ARRDC3: variants seen among roughly 807,000 people sequenced by gnomAD.
ARRDC3 encodes arrestin domain containing 3.
Under a neutral mutation model 47.2 loss-of-function variants are expected in ARRDC3, and 10 were observed. The observed-to-expected ratio is 0.21, with a 90% CI of 0.13 to 0.36. The LOEUF (loss-of-function observed/expected upper bound fraction) is 0.36, where lower values mean the gene tolerates loss of function less well. Ranked by LOEUF, ARRDC3 falls within the 10% of genes least tolerant of loss-of-function variation. The probability of loss-of-function intolerance (pLI) is 1.00; values close to 1 mark genes in which losing one functional copy is unlikely to be tolerated. For missense variants in ARRDC3, 381 were observed against 503.6 expected, an observed-to-expected ratio of 0.76 and a Z score of 2.33; for synonymous variants, 156 against 178.3, an observed-to-expected ratio of 0.87 and a Z score of 1.00.
At position 91,374,244 on chromosome 5, in the gene ARRDC3, T is replaced by C. The variant is rs751440152; in HGVS notation, c.903A>G (p.Leu301=). Residue 301 remains leucine, a synonymous_variant, in exon 6 of 8, where the codon TTA becomes TTG. Coordinates refer to ENST00000265138, the MANE Select transcript of ARRDC3 (RefSeq NM_020801.4). ...VYVDIPGAMD[L]FLNLPLVIGT... is the part of the protein sequence containing the mutation. ...CGATGACAAGTGGCAAATTAAGAAA[T>C]AAATCCATAGCTCCAGGAATATCCA... 6.2e-7 allele frequency: 1 copy of C among 1,613,676 alleles called. No homozygotes were observed. Among genetic ancestry groups the C allele is most frequent in the Non-Finnish European group, 8.5e-7 (1 of 1,179,726 alleles).
intron 1 of ARRDC3, among the ~76,000 whole-genome samples, chr5:91,382,497 A>G (rs1000920111): frequency 1.3e-5 from 2 of 152,276 alleles, no homozygotes; most frequent in Admixed American, 6.5e-5. Flanking sequence ...TTGAAAATAT[A>G]TTAGTAAAAC....
intron 3 of ARRDC3, among the ~76,000 whole-genome samples, chr5:91,376,327 A>G (rs540682884): frequency 1.3e-5 from 2 of 152,258 alleles, no homozygotes; most frequent in East Asian, 3.9e-4. Context: ...CAAATCATCC[A>G]AGGACCAGAT....
rs1799123459 is a variant in ARRDC3 at position 91,369,657 on chromosome 5, T to C, written c.*1743A>G. ...TCAGCCACTTTATTAACTGTGGGGT[T>C]AAATGGCAGGATAGATGTAACACCC... On this transcript the variant is annotated 3_prime_UTR_variant, in exon 8 of 8. Coordinates refer to ENST00000265138, the MANE Select transcript of ARRDC3 (RefSeq NM_020801.4). 6.6e-6 allele frequency: 1 copy of C among 152,380 alleles called. No individual in the cohort carries two copies. Among genetic ancestry groups the C allele is most frequent in the Non-Finnish European group, 1.5e-5 (1 of 68,034 alleles). 9.4% of individuals were successfully genotyped at this position (152,380 alleles called of 1,614,324 possible).
chr5:91,376,935 T>G (rs1001733144), intron 2 of ARRDC3, among the ~76,000 whole-genome samples, 167 bp from the exon 3 acceptor site: 8 of 152,208 alleles, frequency 5.3e-5, no homozygotes, highest in African/African-American at 1.9e-4. Flanking sequence ...GGAAAAAACT[T>G]CCTATTTCCA....
chr5:91,380,291 C>G (rs1487866999), intron 1 of ARRDC3: 1 of 152,924 alleles, frequency 6.5e-6, no homozygotes, highest in Non-Finnish European at 1.5e-5. Context: ...CGCGCCCGTG[C>G]CCGCGCAACC....
In ARRDC3 at chr5:91,380,108, G is replaced by A. The variant is rs117153091; in HGVS notation, c.281-1333C>T. The A allele has an allele frequency of 3.2e-3, 490 of 152,352 alleles. 8 individuals are homozygous for A. In the East Asian group the frequency reaches 0.057, roughly 18 times the overall value. 9.4% of individuals were successfully genotyped at this position (152,352 alleles called of 1,614,324 possible). Reference sequence around the variant, plus strand: ...CAGTCTCATTGAAGCGAGCGGCGGCGGCCGCGCCGTGGTAAACAAGTGCCG... The same window carrying A: ...CAGTCTCATTGAAGCGAGCGGCGGCAGCCGCGCCGTGGTAAACAAGTGCCG... On this transcript the variant is annotated intron_variant, in intron 1 of 7. Coordinates refer to ENST00000265138, the MANE Select transcript of ARRDC3 (RefSeq NM_020801.4).
rs1324814418 is a variant in ARRDC3, at chr5:91,370,315, A to C, written c.*1085T>G. 2.6e-5 allele frequency: 4 copies of C among 152,590 alleles called. No homozygotes were observed. The highest frequency in any genetic ancestry group is 9.7e-5 in the African/African-American group (4 of 41,418). The allele number at this position is 152,590 out of a possible 1,614,324, so 9.5% of individuals were successfully genotyped here. A position where few individuals can be genotyped will look rare whatever the true frequency, so the allele number is the denominator to read the frequency against. On this transcript the variant is annotated 3_prime_UTR_variant, in exon 8 of 8. Coordinates refer to ENST00000265138, the MANE Select transcript of ARRDC3 (RefSeq NM_020801.4). ...ATAATAATAAAAAAAATAATTTTTA[A>C]GAGCAACAGCCCTCAACTCTTTGCT...
intron 7 of ARRDC3, 152 bp from the exon 8 acceptor site, chr5:91,371,608 C>T: frequency 3.2e-6 from 2 of 634,862 alleles, no homozygotes; most frequent in Non-Finnish European, 5.4e-6. Context: ...ATTCTCTTTT[C>T]ATACGTGAAA....
At chr5:91,378,451 T>C (rs950112059) in intron 2 of ARRDC3, among the ~76,000 whole-genome samples, 3 of 152,110 alleles carry the variant, frequency 2.0e-5, no homozygotes, top group Non-Finnish European at 4.4e-5. Flanking sequence ...ACCCTATTCC[T>C]ATTTTAAAAA....
intron 2 of ARRDC3, 21 bp downstream of exon 2, chr5:91,378,673 C>A: frequency 7.5e-7 from 1 of 1,327,516 alleles, no homozygotes; most frequent in Non-Finnish European, 1.1e-6. Context: ...TATAAAAATG[C>A]CTATTATTTA....
chr5:91,371,571 CAGCTTGTT>C, intron 7 of ARRDC3, 115 bp from the exon 8 acceptor site: 1 of 752,946 alleles, frequency 1.3e-6, no homozygotes, highest in East Asian at 2.7e-5. Flanking sequence ...AGAGCAAACA[CAGCTTGTT>C]AGCATATTAT....
intron 1 of ARRDC3, among the ~76,000 whole-genome samples, 193 bp downstream of exon 1, chr5:91,382,620 A>G (rs1799478003): frequency 6.6e-6 from 1 of 152,256 alleles, no homozygotes; most frequent in Non-Finnish European, 1.5e-5. Context: ...GTTTGCAGTC[A>G]CTTTGCAGAT....
At position 91,383,164 on chromosome 5, in the gene ARRDC3, A is replaced by G; in HGVS notation, c.-72T>C. The G allele has an allele frequency of 7.4e-7, 1 of 1,348,818 alleles. No homozygotes were observed. The highest frequency in any genetic ancestry group is 1.0e-6 in the Non-Finnish European group (1 of 993,910). The allele number at this position is 1,348,818 out of a possible 1,614,324, so 83.6% of individuals were successfully genotyped here. On this transcript the variant is annotated 5_prime_UTR_variant, in exon 1 of 8. Transcript: ENST00000265138. The stretch of plus-strand genomic sequence containing the variant: ...AGATCGCATATAAAATGTGATCTTC[A>G]CTTAACACTGATCGATATTTTTGCC...
intron 1 of ARRDC3, among the ~76,000 whole-genome samples, chr5:91,379,301 A>G (rs1582375875): frequency 6.6e-6 from 1 of 151,402 alleles, no homozygotes; most frequent in East Asian, 1.9e-4. Flanking sequence ...GTAAAAAAAA[A>G]AAAAAAAAAA....
In ARRDC3 at chr5:91,375,325, A is replaced by C. The variant is rs1197050329; in HGVS notation, c.614-147T>G. On this transcript the variant is annotated intron_variant, in intron 4 of 7. Coordinates refer to ENST00000265138, the MANE Select transcript of ARRDC3 (RefSeq NM_020801.4). ...CAAATAACTTGAGTCATAGAAATGA[A>C]CTAATCAGTAGCTATTTGAAAAAGG... The C allele has an allele frequency of 2.3e-5, 22 of 966,150 alleles. No homozygotes were observed. The East Asian group carries it at 5.8e-4, about 25-fold the overall frequency. 59.8% of individuals were successfully genotyped at this position (966,150 alleles called of 1,614,324 possible). A position where few individuals can be genotyped will look rare whatever the true frequency, so the allele number is the denominator to read the frequency against.
In ARRDC3 at chr5:91,370,191, C is replaced by T. The variant is rs1220922164; in HGVS notation, c.*1209G>A. On this transcript the variant is annotated 3_prime_UTR_variant, in exon 8 of 8. Coordinates refer to ENST00000265138, the MANE Select transcript of ARRDC3 (RefSeq NM_020801.4). ...ACTTTGCACCAGCAAAAGCGATTTCCAACATATGTGTTTTGGAGGTAATTA... is the reference window on the plus strand; with the variant it reads ...ACTTTGCACCAGCAAAAGCGATTTCTAACATATGTGTTTTGGAGGTAATTA... 6.6e-6 allele frequency: 1 copy of T among 152,406 alleles called. No individual in the cohort carries two copies. Among genetic ancestry groups the T allele is most frequent in the African/African-American group, 2.4e-5 (1 of 41,424 alleles). 9.4% of individuals were successfully genotyped at this position (152,406 alleles called of 1,614,324 possible). A position where few individuals can be genotyped will look rare whatever the true frequency, so the allele number is the denominator to read the frequency against.
intron 7 of ARRDC3, among the ~76,000 whole-genome samples, chr5:91,372,379 T>C (rs950848451): frequency 3.3e-5 from 5 of 152,162 alleles, no homozygotes; most frequent in African/African-American, 1.2e-4. Context: ...TTTAGTGCTT[T>C]TTAAAAGGAG....
chr5:91,375,723 G>T, intron 3 of ARRDC3, 110 bp from the exon 4 acceptor site: 27 of 699,228 alleles, frequency 3.9e-5, no homozygotes, highest in South Asian at 8.2e-5. Context: ...AATTACAACT[G>T]GTTTTGCTTT....
chr5:91,375,693 T>A, intron 3 of ARRDC3, 80 bp from the exon 4 acceptor site: 1 of 936,146 alleles, frequency 1.1e-6, no homozygotes. Flanking sequence ...AATATAACCC[T>A]AAATTTATGG....
Sources: gnomAD v4.1 joint callset for allele counts (sites outside exome capture counted in the v4.1 genomes callset) on GRCh38, gnomAD v4.1.1 for gene constraint, MANE v1.5 for transcripts, NCBI Gene and HGNC (gene_info 2026-07-23, HGNC 2026-07-21) for gene names.